The following COL21A1 variants were observed in gnomAD, a reference collection of about 807,000 sequenced individuals.
The protein encoded by COL21A1 is collagen type XXI alpha 1 chain.
COL21A1 carries 149 observed loss-of-function variants against 137.9 expected under a neutral mutation model. The ratio of observed to expected loss-of-function variants is 1.08; its 90% CI spans 0.95 to 1.24. COL21A1 has a LOEUF of 1.24. Among genes scored for constraint, COL21A1 ranks in the 50% most tolerant of loss-of-function variants. The pLI is 0.00. For synonymous variants in COL21A1, 456 were observed against 391.5 expected (o/e 1.16, Z -1.95); for missense variants, 1,167 against 1,158.4 (o/e 1.01, Z -0.11).
chr6:56,233,994 G>A (rs111816547), intron 1 of COL21A1, among the ~76,000 whole-genome samples: 3 of 151,658 alleles, frequency 2.0e-5, no homozygotes, highest in African/African-American at 7.3e-5. Context: ...GATATAAATA[G>A]GATTATAACT....
chr6:56,349,958 T>G lies in COL21A1; in HGVS notation c.-39+44013A>C, dbSNP rs973090616. ...ATCTCTCTTGGGGGCTGATGTGAACTCTGTTGGGATCCTGTCTGCATTCTG... is the reference window on the plus strand; with the variant it reads ...ATCTCTCTTGGGGGCTGATGTGAACGCTGTTGGGATCCTGTCTGCATTCTG... On this transcript the variant is annotated intron_variant, in intron 1 of 28. Transcript: ENST00000370819. Among the ~76,000 whole-genome samples, 8 of 152,298 alleles carry G rather than the reference T, an allele frequency of 5.3e-5. No individual in the cohort carries two copies. The South Asian group carries it at 6.2e-4, about 12-fold the overall frequency.
chr6:56,328,015 C>A (rs1199977530), intron 1 of COL21A1, among the ~76,000 whole-genome samples: 1 of 151,960 alleles, frequency 6.6e-6, no homozygotes, highest in African/African-American at 2.4e-5. Flanking sequence ...ATTACAAACG[C>A]ATAAATATGG....
At chr6:56,278,719 TGGCA>T in intron 1 of COL21A1, among the ~76,000 whole-genome samples, 1 of 152,228 alleles carries the variant, frequency 6.6e-6, no homozygotes, top group Middle Eastern at 3.2e-3. Context: ...ATGAGGCTCA[TGGCA>T]GCAATTTCCC....
intron 1 of COL21A1, among the ~76,000 whole-genome samples, chr6:56,197,333 G>C (rs1299969994): frequency 6.6e-6 from 1 of 151,822 alleles, no homozygotes; most frequent in Admixed American, 6.6e-5. Flanking sequence ...CAAAAGCACA[G>C]ACAACAAAGA....
At chr6:56,193,750 A>T (rs1778846195) in intron 1 of COL21A1, among the ~76,000 whole-genome samples, 1 of 151,100 alleles carries the variant, frequency 6.6e-6, no homozygotes, top group Non-Finnish European at 1.5e-5. Context: ...GTACAAAAGG[A>T]GGTTTTTTTG....
chr6:56,314,196 G>A (rs1764676769), intron 1 of COL21A1, among the ~76,000 whole-genome samples: 1 of 152,132 alleles, frequency 6.6e-6, no homozygotes, highest in Non-Finnish European at 1.5e-5. Context: ...TGTTGGTCAG[G>A]ATGATCTCCA....
At position 56,179,923 on chromosome 6, in the gene COL21A1, G is replaced by A. The variant is rs772359277; in HGVS notation, c.295C>T (p.His99Tyr). The A allele has an allele frequency of 6.2e-7, 1 of 1,613,850 alleles. No individual in the cohort carries two copies. Among genetic ancestry groups the A allele is most frequent in the Non-Finnish European group, 8.5e-7 (1 of 1,179,856 alleles). Residue 99 changes from histidine to tyrosine, a missense_variant, in exon 3 of 30, where the codon CAT becomes TAT. Transcript: ENST00000244728. Reference protein sequence around the residue: ...IPLGSYDSGEHLTAAVESILY... With the variant: ...IPLGSYDSGEYLTAAVESILY... Reference sequence around the variant, plus strand: ...ATGGATTCCACTGCTGCCGTCAAATGTTCTCCTGAATCATAGCTTCCGAGA... The same window carrying A: ...ATGGATTCCACTGCTGCCGTCAAATATTCTCCTGAATCATAGCTTCCGAGA...
chr6:56,102,977 A>G (rs1265608960), intron 16 of COL21A1, among the ~76,000 whole-genome samples: 3 of 152,186 alleles, frequency 2.0e-5, no homozygotes, highest in African/African-American at 7.2e-5. Flanking sequence ...ACTTAGTTTG[A>G]AAGCTAGTTT....
rs559413087 is a variant in COL21A1 at position 56,321,112 on chromosome 6, T to C, written c.-39+72859A>G. On this transcript the variant is annotated intron_variant, in intron 1 of 28. Transcript: ENST00000370819. ...TGCTAGAAATTGCAGAGCTTCTAATTAAACACAGATCTTCCTCACAACATG... is the reference window on the plus strand; with the variant it reads ...TGCTAGAAATTGCAGAGCTTCTAATCAAACACAGATCTTCCTCACAACATG... Among the ~76,000 whole-genome samples, 308 of 152,316 alleles carry C rather than the reference T, an allele frequency of 2.0e-3. 1 individual carries two copies. Among genetic ancestry groups the C allele is most frequent in the Non-Finnish European group, 3.8e-3 (260 of 68,014 alleles).
At chr6:56,248,783 T>C (rs9475643), upstream of COL21A1, among the ~76,000 whole-genome samples, 61,233 of 152,124 alleles carry the variant, frequency 0.4, 14,048 homozygotes, top group African/African-American at 0.61. Flanking sequence ...TCCTTATTCA[T>C]TCATGTTAGA....
intron 1 of COL21A1, among the ~76,000 whole-genome samples, chr6:56,184,028 A>T: frequency 6.6e-6 from 1 of 152,202 alleles, no homozygotes; most frequent in East Asian, 1.9e-4. Context: ...TAAAAGGAAT[A>T]GAGCATCTAG....
chr6:56,111,099 T>A (rs111954221), intron 16 of COL21A1, among the ~76,000 whole-genome samples: 3 of 151,390 alleles, frequency 2.0e-5, no homozygotes, highest in African/African-American at 7.3e-5. Context: ...CTGGGTAGCA[T>A]GTACATTCTG....
At chr6:56,338,270 C>G (rs1405542494) in intron 1 of COL21A1, among the ~76,000 whole-genome samples, 4 of 151,982 alleles carry the variant, frequency 2.6e-5, no homozygotes, top group Non-Finnish European at 2.9e-5. Context: ...TTTATGCCAC[C>G]CCACTTTATT....
intron 12 of COL21A1, among the ~76,000 whole-genome samples, chr6:56,135,447 A>T (rs574769798): frequency 4.7e-5 from 7 of 149,466 alleles, no homozygotes; most frequent in South Asian, 2.1e-4. Flanking sequence ...AATTAGAATT[A>T]AAAAAAAAAC....
intron 1 of COL21A1, among the ~76,000 whole-genome samples, chr6:56,308,682 T>A (rs938392714): frequency 3.9e-5 from 6 of 152,206 alleles, no homozygotes; most frequent in Non-Finnish European, 5.9e-5. Flanking sequence ...TTAAGAATAA[T>A]ATATTGTACA....
At chr6:56,167,463 T>C (rs971918606) in intron 6 of COL21A1, among the ~76,000 whole-genome samples, 1 of 152,202 alleles carries the variant, frequency 6.6e-6, no homozygotes, top group South Asian at 2.1e-4. Flanking sequence ...CAATTTGACA[T>C]GTAGCATTAA....
intron 1 of COL21A1, among the ~76,000 whole-genome samples, chr6:56,333,023 C>T (rs1417603644): frequency 6.6e-6 from 1 of 151,864 alleles, no homozygotes; most frequent in Non-Finnish European, 1.5e-5. Context: ...ATCTATTAAC[C>T]TTTTCTCTTT....
intron 29 of COL21A1, 105 bp from the exon 30 acceptor site, chr6:56,057,949 T>C (rs1765472003): frequency 2.6e-6 from 2 of 776,554 alleles, no homozygotes; most frequent in African/African-American, 3.7e-5. Flanking sequence ...CCTTGAATAT[T>C]TTATATATTT....
chr6:56,239,437 C>A (rs7773890), intron 1 of COL21A1, among the ~76,000 whole-genome samples: 1 of 151,912 alleles, frequency 6.6e-6, no homozygotes, highest in Non-Finnish European at 1.5e-5. Context: ...AGCATAAAAA[C>A]GTCTACCATC....
Sources: gnomAD v4.1 joint callset for allele counts (sites outside exome capture counted in the v4.1 genomes callset) on GRCh38, gnomAD v4.1.1 for gene constraint, MANE v1.5 for transcripts, NCBI Gene and HGNC (gene_info 2026-07-23, HGNC 2026-07-21) for gene names.